NKAIN3: variants seen among roughly 807,000 people sequenced by gnomAD.
The protein encoded by NKAIN3 is sodium/potassium transporting ATPase interacting 3.
In NKAIN3, 25 loss-of-function variants were observed where a neutral mutation model predicts 30.2. The ratio of observed to expected loss-of-function variants is 0.83; its 90% CI spans 0.60 to 1.16. The LOEUF (loss-of-function observed/expected upper bound fraction) is 1.16. Ranked by LOEUF, NKAIN3 falls within the 50% of genes most tolerant of loss-of-function variation. The probability of loss-of-function intolerance (pLI) is 0.00; values close to 1 mark genes in which losing one functional copy is unlikely to be tolerated. For missense variants in NKAIN3, 225 were observed against 254.1 expected, an observed-to-expected ratio of 0.89 and a Z score of 0.78; for synonymous variants, 91 against 89.6, an observed-to-expected ratio of 1.02 and a Z score of -0.09.
At chr8:62,734,557 A>T (rs549997666) in intron 3 of NKAIN3, among the ~76,000 whole-genome samples, 157 of 152,282 alleles carry the variant, frequency 1.0e-3, no homozygotes, top group Non-Finnish European at 2.0e-3. Context: ...ACCCATTCAG[A>T]ATTCCCTTTC....
intron 3 of NKAIN3, among the ~76,000 whole-genome samples, chr8:62,713,475 G>A (rs919815141): frequency 6.6e-6 from 1 of 152,120 alleles, no homozygotes; most frequent in African/African-American, 2.4e-5. Context: ...AATCTATATT[G>A]CAAAAAGTTA....
chr8:62,352,069 T>C (rs1585713029), intron 1 of NKAIN3, among the ~76,000 whole-genome samples: 1 of 152,214 alleles, frequency 6.6e-6, no homozygotes, highest in Non-Finnish European at 1.5e-5. Flanking sequence ...GGGAAATGGG[T>C]TGAAACTAAA....
chr8:62,636,644 G>C lies in NKAIN3; in HGVS notation c.273+46850G>C, dbSNP rs557499959. On this transcript the variant is annotated intron_variant, in intron 3 of 6. Coordinates refer to ENST00000623646, the MANE Select transcript of NKAIN3 (RefSeq NM_001304533.3). ...GTTTGTGTATTGTAAGTACCTCTAG[G>C]GGAGCATTTTAGTGGGCATACTTTC... Among the ~76,000 whole-genome samples, 6 of 152,258 alleles carry C rather than the reference G, an allele frequency of 3.9e-5. No individual in the cohort carries two copies. The South Asian group carries it at 1.2e-3, about 32-fold the overall frequency.
intron 4 of NKAIN3, among the ~76,000 whole-genome samples, chr8:62,785,530 C>T (rs1030456275): frequency 3.3e-5 from 5 of 151,962 alleles, no homozygotes; most frequent in Non-Finnish European, 7.4e-5. Context: ...TGCACAGCTC[C>T]GTGGATATAC....
chr8:62,366,556 T>G (rs1316186790), intron 1 of NKAIN3, among the ~76,000 whole-genome samples: 1 of 152,174 alleles, frequency 6.6e-6, no homozygotes, highest in Non-Finnish European at 1.5e-5. Flanking sequence ...TATGTTTTAA[T>G]GTCTCCTTTG....
rs372829872 is a variant in NKAIN3, at chr8:62,597,769, G to T, written c.273+7975G>T. Among the ~76,000 whole-genome samples, 25 of 151,870 alleles carry T rather than the reference G, an allele frequency of 1.6e-4. No homozygotes were observed. In the East Asian group the frequency reaches 3.9e-3, roughly 24 times the overall value. On this transcript the variant is annotated intron_variant, in intron 3 of 6. Transcript: ENST00000623646. ...ACTTTATAATAGGAATTATCTCTCT[G>T]CAATCCAGTCTTCCCAAGTCTATGA...
intron 5 of NKAIN3, among the ~76,000 whole-genome samples, chr8:62,998,350 A>G (rs895745739): frequency 2.0e-5 from 3 of 151,842 alleles, no homozygotes; most frequent in East Asian, 1.9e-4. Context: ...ATCTCGGCTT[A>G]CTGAAACCTC....
At chr8:62,480,664 G>T (rs1257233010) in intron 1 of NKAIN3, among the ~76,000 whole-genome samples, 1 of 151,614 alleles carries the variant, frequency 6.6e-6, no homozygotes, top group African/African-American at 2.4e-5. Flanking sequence ...TGAAAAAAAG[G>T]CCCTAGATTT....
chr8:62,514,190 C>T (rs902792613), intron 1 of NKAIN3, among the ~76,000 whole-genome samples: 2 of 152,106 alleles, frequency 1.3e-5, no homozygotes, highest in Non-Finnish European at 2.9e-5. Context: ...GTCTTCAAAG[C>T]TGCATTCTAT....
intron 1 of NKAIN3, among the ~76,000 whole-genome samples, chr8:62,472,092 T>C (rs1270764744): frequency 6.6e-6 from 1 of 150,794 alleles, no homozygotes; most frequent in Non-Finnish European, 1.5e-5. Flanking sequence ...CTGGAGAAAG[T>C]ATCTAAAAAT....
At chr8:62,666,224 T>A (rs1179822352) in intron 3 of NKAIN3, among the ~76,000 whole-genome samples, 1 of 152,010 alleles carries the variant, frequency 6.6e-6, no homozygotes, top group East Asian at 1.9e-4. Flanking sequence ...CTCAAAATAA[T>A]TAATTAATTA....
chr8:62,467,039 T>G (rs1806185281), intron 1 of NKAIN3, among the ~76,000 whole-genome samples: 1 of 152,128 alleles, frequency 6.6e-6, no homozygotes, highest in Non-Finnish European at 1.5e-5. Context: ...AGGACCTGCC[T>G]CCGACCTCTC....
At chr8:62,701,331 C>A (rs1814325745) in intron 3 of NKAIN3, among the ~76,000 whole-genome samples, 1 of 152,184 alleles carries the variant, frequency 6.6e-6, no homozygotes, top group South Asian at 2.1e-4. Flanking sequence ...AATGCAGAGC[C>A]TGTGTCCAAC....
At chr8:62,649,648 C>G (rs746349891) in intron 3 of NKAIN3, among the ~76,000 whole-genome samples, 3 of 152,140 alleles carry the variant, frequency 2.0e-5, no homozygotes, top group Non-Finnish European at 4.4e-5. Flanking sequence ...TGGGGGCATT[C>G]TCACTGCCTC....
chr8:62,593,662 A>T (rs560976026), intron 3 of NKAIN3, among the ~76,000 whole-genome samples: 209 of 152,184 alleles, frequency 1.4e-3, no homozygotes, highest in African/African-American at 4.8e-3. Context: ...AAAAATATTG[A>T]TAGCCATGAA....
At chr8:62,925,738 G>A (rs1822415838) in intron 5 of NKAIN3, among the ~76,000 whole-genome samples, 1 of 152,144 alleles carries the variant, frequency 6.6e-6, no homozygotes, top group Admixed American at 6.5e-5. Flanking sequence ...GCTTTTGGGT[G>A]GGGGTGATTT....
chr8:62,273,224 G>A (rs1812829795), intron 1 of NKAIN3, among the ~76,000 whole-genome samples: 1 of 152,044 alleles, frequency 6.6e-6, no homozygotes, highest in East Asian at 1.9e-4. Flanking sequence ...ATATTATTTT[G>A]TTGATTTCAG....
chr8:62,765,040 C>T (rs1016007807), intron 4 of NKAIN3, among the ~76,000 whole-genome samples: 3 of 151,892 alleles, frequency 2.0e-5, no homozygotes, highest in African/African-American at 7.3e-5. Flanking sequence ...GTCAGGAGCT[C>T]GAGTCCAGTC....
At chr8:62,627,815 C>T (rs1811836633) in intron 3 of NKAIN3, among the ~76,000 whole-genome samples, 1 of 152,072 alleles carries the variant, frequency 6.6e-6, no homozygotes, top group Admixed American at 6.6e-5. Context: ...CAGCAGGGTA[C>T]TGGAGACAGA....
Sources: allele counts gnomAD v4.1 joint callset (sites outside exome capture counted in the v4.1 genomes callset), GRCh38; gene constraint gnomAD v4.1.1; transcripts MANE v1.5; gene names NCBI Gene and HGNC (gene_info 2026-07-23, HGNC 2026-07-21).